NPHP4: variants seen among roughly 807,000 people sequenced by gnomAD.
The protein encoded by NPHP4 is nephrocystin 4.
In NPHP4, 151 loss-of-function variants were observed where a neutral mutation model predicts 155.8. The ratio of observed to expected loss-of-function variants is 0.97; its 90% CI spans 0.85 to 1.11. NPHP4 has a LOEUF of 1.11. Among genes scored for constraint, NPHP4 ranks in the 50% least tolerant of loss-of-function variants. The probability of loss-of-function intolerance (pLI) is 0.00; values close to 1 mark genes in which losing one functional copy is unlikely to be tolerated. For synonymous variants in NPHP4, 845 were observed against 816.8 expected, an observed-to-expected ratio of 1.03 and a Z score of -0.59; for missense variants, 1,956 against 1,925.7, an observed-to-expected ratio of 1.02 and a Z score of -0.29.
chr1:5,901,468 A>G lies in NPHP4; in HGVS notation c.2143+3149T>C, dbSNP rs561943216. Among the ~76,000 whole-genome samples the G allele has an allele frequency of 3.9e-5, 6 of 152,356 alleles. 1 individual carries two copies. In the South Asian group the frequency reaches 1.0e-3, roughly 26 times the overall value. Reference sequence around the variant, plus strand: ...TCGGGTGGGGTTTTTTTGGACTTCAACTTAAGAATTTTGGACTGTGAATTT... The same window carrying G: ...TCGGGTGGGGTTTTTTTGGACTTCAGCTTAAGAATTTTGGACTGTGAATTT... On this transcript the variant is annotated intron_variant, in intron 16 of 29. Transcript: ENST00000378156.
At chr1:5,869,404 G>A (rs1189785904) in intron 23 of NPHP4, among the ~76,000 whole-genome samples, 1 of 152,192 alleles carries the variant, frequency 6.6e-6, no homozygotes, top group South Asian at 2.1e-4. Flanking sequence ...TGCACACACT[G>A]AGAAGGAGAG....
At chr1:5,937,946 G>A (rs1426696873) in intron 9 of NPHP4, among the ~76,000 whole-genome samples, 1 of 152,224 alleles carries the variant, frequency 6.6e-6, no homozygotes. Flanking sequence ...TCACACTCAC[G>A]TGGTGTGAGA....
intron 18 of NPHP4, among the ~76,000 whole-genome samples, chr1:5,885,250 A>T (rs997358206): frequency 6.9e-6 from 1 of 144,194 alleles, no homozygotes; most frequent in African/African-American, 2.6e-5. Context: ...GCTCCCAGCC[A>T]AACCCGTCCT....
chr1:5,970,382 G>A (rs543492215), intron 3 of NPHP4, among the ~76,000 whole-genome samples: 1 of 152,038 alleles, frequency 6.6e-6, no homozygotes, highest in African/African-American at 2.4e-5. Context: ...GCACACCTGT[G>A]GTCCCAGCTA....
intron 6 of NPHP4, among the ~76,000 whole-genome samples, chr1:5,959,418 G>C (rs1395171281): frequency 1.3e-5 from 2 of 152,158 alleles, no homozygotes; most frequent in Non-Finnish European, 2.9e-5. Flanking sequence ...CTCCCATCTT[G>C]TGGTCCCCTT....
At chr1:5,934,534 G>A (rs1479019956) in intron 9 of NPHP4, among the ~76,000 whole-genome samples, 14 of 152,112 alleles carry the variant, frequency 9.2e-5, no homozygotes, top group Non-Finnish European at 7.4e-5. Context: ...CACTTGCTAC[G>A]GCTTCCCCCC....
rs188242869 is a variant in NPHP4, at chr1:5,987,871, C to T, written c.-38-1544G>A. On this transcript the variant is annotated intron_variant, in intron 1 of 29. Transcript: ENST00000378156. ...GTGAACAAAGTTAGCATGTCACTTC[C>T]GGGAAAACAACTGCAACAAAAATGG... is the stretch of plus-strand genomic sequence containing the variant. Among the ~76,000 whole-genome samples the T allele has an allele frequency of 2.0e-3, 311 of 152,224 alleles. 3 individuals carry two copies. The highest frequency in any genetic ancestry group is 7.2e-3 in the African/African-American group (300 of 41,534).
rs755240438 is a variant in NPHP4, at chr1:5,986,148, T to C, written c.135+7A>G. On this transcript the variant is annotated splice_region_variant and intron_variant, in intron 2 of 29. Coordinates refer to ENST00000378156, the MANE Select transcript of NPHP4 (RefSeq NM_015102.5). ...AACACGCATTTGCTAACAGCACATTTTGTTACCTGCCTAATTACCGGTCCG... is the reference window on the plus strand; with the variant it reads ...AACACGCATTTGCTAACAGCACATTCTGTTACCTGCCTAATTACCGGTCCG... 6 of 1,613,664 alleles carry C rather than the reference T, an allele frequency of 3.7e-6. No individual in the cohort carries two copies. The African/African-American group carries it at 8.0e-5, about 22-fold the overall frequency.
chr1:5,982,239 G>A (rs765129039), intron 2 of NPHP4, among the ~76,000 whole-genome samples: 6 of 151,928 alleles, frequency 3.9e-5, no homozygotes, highest in African/African-American at 7.2e-5. Context: ...ATGACATTTC[G>A]ATCAGCAACA....
Position 5,887,313 on chromosome 1 carries a change from G to A in NPHP4, c.2458C>T (p.Arg820Trp), listed in dbSNP as rs200182705. Reference protein sequence around the residue: ...PIGVHSVVKGRLHLTLANVGH... With the variant: ...PIGVHSVVKGWLHLTLANVGH... ...ACGTTGGCCAAAGTCAGGTGCAGCCGGCCCTTCACCACCGAGTGGACGCCG... is the reference window on the plus strand; with the variant it reads ...ACGTTGGCCAAAGTCAGGTGCAGCCAGCCCTTCACCACCGAGTGGACGCCG... Residue 820 changes from arginine (R) to tryptophan (W), a missense_variant, in exon 18 of 30, where the codon CGG (arginine) becomes TGG (tryptophan). Transcript: ENST00000378156. 316 of 1,613,444 alleles carry A rather than the reference G, an allele frequency of 2.0e-4. No individual in the cohort carries two copies. In the African/African-American group the frequency reaches 2.2e-3, roughly 11 times the overall value.
chr1:5,963,542 G>C (rs896336057), intron 5 of NPHP4, among the ~76,000 whole-genome samples: 3 of 152,050 alleles, frequency 2.0e-5, no homozygotes, highest in African/African-American at 7.2e-5. Flanking sequence ...CTCTGGGGGC[G>C]GGGCACACAG....
chr1:5,917,992 A>G (rs148111046), intron 11 of NPHP4, among the ~76,000 whole-genome samples: 316 of 152,318 alleles, frequency 2.1e-3, no homozygotes, highest in Non-Finnish European at 3.6e-3. Context: ...GCCACCACCA[A>G]CTGCAATGCG....
chr1:5,905,518 G>A lies in NPHP4; in HGVS notation c.1764-35C>T, dbSNP rs1275983017. 4 of 1,596,584 alleles carry A rather than the reference G, an allele frequency of 2.5e-6. No individual in the cohort carries two copies. The highest frequency in any genetic ancestry group is 2.2e-5 in the East Asian group (1 of 44,556). On this transcript the variant is annotated intron_variant, in intron 14 of 29. Transcript: ENST00000378156. The surrounding 1 kb of genome is among the most constrained non-coding windows in gnomAD (Gnocchi z 4.0). ...AGAGACTCCTCAGGTAGCCTCCCGG[G>A]AAAGGGGGGACCCATTGATGCACCT...
intron 2 of NPHP4, 79 bp from the exon 3 acceptor site, chr1:5,978,492 A>C (rs1654100673): frequency 7.3e-7 from 1 of 1,365,440 alleles, no homozygotes; most frequent in African/African-American, 1.4e-5. Flanking sequence ...ATGTGGGTGC[A>C]TATGGGGCCA....
At chr1:5,943,356 T>A (rs531381610) in intron 9 of NPHP4, among the ~76,000 whole-genome samples, 5 of 152,318 alleles carry the variant, frequency 3.3e-5, no homozygotes, top group African/African-American at 1.2e-4. Flanking sequence ...TGCCTGGGTG[T>A]GCCCTGAACA....
intron 20 of NPHP4, among the ~76,000 whole-genome samples, chr1:5,875,641 C>T (rs1642515445): frequency 6.6e-6 from 1 of 152,242 alleles, no homozygotes; most frequent in Non-Finnish European, 1.5e-5. Flanking sequence ...ACTCAAGGGG[C>T]TTGGCCAGCA....
intron 1 of NPHP4, among the ~76,000 whole-genome samples, chr1:5,990,034 G>C (rs1656009784): frequency 6.6e-6 from 1 of 152,216 alleles, no homozygotes; most frequent in African/African-American, 2.4e-5. Context: ...GACTCTGCAG[G>C]TGGGAGCCCA....
chr1:5,938,166 G>A (rs974812979), intron 9 of NPHP4, among the ~76,000 whole-genome samples: 9 of 152,218 alleles, frequency 5.9e-5, no homozygotes, highest in African/African-American at 2.2e-4. Context: ...GGGTGGCTCC[G>A]GAACTCAGAG....
intron 12 of NPHP4, among the ~76,000 whole-genome samples, chr1:5,908,401 T>C (rs1333251800): frequency 6.6e-6 from 1 of 152,236 alleles, no homozygotes; most frequent in African/African-American, 2.4e-5. Context: ...CCATGGATAC[T>C]GAATTAGTCA....
Sources: gnomAD v4.1 joint callset for allele counts (sites outside exome capture counted in the v4.1 genomes callset) on GRCh38, gnomAD v4.1.1 for gene constraint, Gnocchi (gnomAD v3.1) non-coding constraint, MANE v1.5 for transcripts, NCBI Gene and HGNC (gene_info 2026-07-23, HGNC 2026-07-21) for gene names.